Variants in ADCY9 observed in about 807,000 individuals in gnomAD.
ADCY9 encodes the protein adenylate cyclase type 9.
A neutral mutation model predicts 101.5 loss-of-function variants in ADCY9; 50 were observed. The ratio of observed to expected loss-of-function variants is 0.49; its 90% CI spans 0.39 to 0.62. ADCY9 has a LOEUF of 0.62. ADCY9 is among the 20% of genes least tolerant of loss of function. The pLI is 0.00. For missense variants in ADCY9, 1,662 were observed against 1,800.4 expected, an observed-to-expected ratio of 0.92 and a Z score of 1.39; for synonymous variants, 905 against 769.3, an observed-to-expected ratio of 1.18 and a Z score of -2.92.
intron 2 of ADCY9, 150 bp from the exon 3 acceptor site, chr16:4,007,708 C>T (rs962816012): frequency 1.6e-5 from 10 of 623,072 alleles, no homozygotes; most frequent in Middle Eastern, 4.4e-4. Context: ...CGGACGTCCA[C>T]GATCTCTCCA....
At chr16:4,110,544 C>G (rs2057107651) in intron 2 of ADCY9, among the ~76,000 whole-genome samples, 1 of 152,054 alleles carries the variant, frequency 6.6e-6, no homozygotes, top group Admixed American at 6.6e-5. Flanking sequence ...CGCACACCAC[C>G]ACACCAGGCT....
rs368342558 is a variant in ADCY9 at position 3,966,935 on chromosome 16, G to A, written c.2902C>T (p.Pro968Ser). 5.9e-5 allele frequency: 95 copies of A among 1,613,470 alleles called. No individual in the cohort carries two copies. The highest frequency in any genetic ancestry group is 7.5e-5 in the Non-Finnish European group (89 of 1,179,930). The change falls in exon 11 of 11, where the codon CCG becomes TCG. Residue 968 changes from proline (P) to serine (S), a missense_variant. Pro to Ser is a moderately conservative substitution (Grantham distance 74). This residue lies in a region of ADCY9 where 624 missense variants were observed against 639.1 expected (regional missense o/e 0.98). Transcript: ENST00000294016. ...CTGGCGGGCCGCCGGAGGTCACGCG[G>A]CACCGAACTATTGCACGGGTTCCTC... ...SERNPCNSSV[P>S]RDLRRPASLI... is the part of the protein sequence containing the mutation.
At chr16:3,957,412 A>G (rs1222564610) in intron 5 of ADCY9, among the ~76,000 whole-genome samples, 1 of 152,090 alleles carries the variant, frequency 6.6e-6, no homozygotes. Context: ...CGGAAAAGTC[A>G]TTCTCTTGAA....
Position 4,115,837 on chromosome 16 carries a change from C to A in ADCY9, c.-191G>T. On this transcript the variant is annotated 5_prime_UTR_variant, in exon 1 of 11. Transcript: ENST00000294016. The surrounding 1 kb of genome is among the most constrained non-coding windows in gnomAD (Gnocchi z 6.2). ...CGCTCGCCTCCTCCAGCTGCGGCTCCGGAGGGAAGTTCAGACCTTGAGCGC... is the reference window on the plus strand; with the variant it reads ...CGCTCGCCTCCTCCAGCTGCGGCTCAGGAGGGAAGTTCAGACCTTGAGCGC... The A allele has an allele frequency of 2.5e-6, 1 of 402,080 alleles. No homozygotes were observed. Among genetic ancestry groups the A allele is most frequent in the South Asian group, 1.2e-4 (1 of 8,386 alleles). The allele number at this position is 402,080 out of a possible 1,614,324, so 24.9% of individuals were successfully genotyped here.
chr16:4,107,425 C>A (rs2057084139), intron 2 of ADCY9, among the ~76,000 whole-genome samples: 1 of 151,960 alleles, frequency 6.6e-6, no homozygotes, highest in Admixed American at 6.6e-5. Flanking sequence ...GTGGCGCACA[C>A]CTGTAATCCC....
At chr16:3,953,471 A>G (rs1168023502) in exon 6 of ADCY9, 1 of 152,186 alleles carries the variant, frequency 6.6e-6, no homozygotes, top group East Asian at 1.9e-4. Context: ...CTTCCTGTGA[A>G]CTGAAGGGAA....
At chr16:4,038,841 C>T (rs2056607771) in intron 2 of ADCY9, among the ~76,000 whole-genome samples, 1 of 152,070 alleles carries the variant, frequency 6.6e-6, no homozygotes, top group South Asian at 2.1e-4. Flanking sequence ...ACTCCCACTG[C>T]CTGAACCCTG....
At chr16:3,976,451 G>T (rs1212781078) in intron 9 of ADCY9, among the ~76,000 whole-genome samples, 1 of 152,160 alleles carries the variant, frequency 6.6e-6, no homozygotes, top group South Asian at 2.1e-4. Context: ...ATGAGAACTG[G>T]GCTTGTCCCC....
intron 9 of ADCY9, among the ~76,000 whole-genome samples, 160 bp downstream of exon 9, chr16:3,977,322 A>C (rs979016483): frequency 2.0e-5 from 3 of 152,218 alleles, no homozygotes; most frequent in Non-Finnish European, 4.4e-5. Context: ...GCATCTCATT[A>C]GCTCTTTGGT....
At chr16:4,015,222 T>G (rs1010341549) in intron 2 of ADCY9, among the ~76,000 whole-genome samples, 7 of 152,084 alleles carry the variant, frequency 4.6e-5, no homozygotes, top group African/African-American at 1.7e-4. Flanking sequence ...ATTACAGGCG[T>G]GAGCGACCGT....
At chr16:4,078,562 G>GAAAAAAAAAAA (rs796262600) in intron 2 of ADCY9, among the ~76,000 whole-genome samples, 1 of 65,758 alleles carries the variant, frequency 1.5e-5, no homozygotes, top group Non-Finnish European at 3.5e-5. Flanking sequence ...CTCAAAAAAA[G>GAAAAAAAAAAA]AAAAAAAAAA....
intron 3 of ADCY9, among the ~76,000 whole-genome samples, chr16:4,005,187 T>C (rs962137020): frequency 6.6e-6 from 1 of 152,140 alleles, no homozygotes; most frequent in African/African-American, 2.4e-5. Flanking sequence ...CTGTGTTGAA[T>C]ATCCCAAGCT....
intron 2 of ADCY9, among the ~76,000 whole-genome samples, chr16:4,029,225 T>A (rs1218548629): frequency 6.6e-6 from 1 of 152,134 alleles, no homozygotes; most frequent in Non-Finnish European, 1.5e-5. Context: ...TATAGTTTCA[T>A]GACCTCAGAA....
chr16:3,994,969 A>G (rs765579658), intron 3 of ADCY9, among the ~76,000 whole-genome samples: 22 of 152,330 alleles, frequency 1.4e-4, no homozygotes, highest in Non-Finnish European at 2.5e-4. Flanking sequence ...ATGGACCTAG[A>G]AAAGAGAAGG....
At chr16:3,983,097 C>A (rs1488995108) in intron 7 of ADCY9, 135 bp downstream of exon 7, 1 of 849,124 alleles carries the variant, frequency 1.2e-6, no homozygotes, top group Non-Finnish European at 1.8e-6. Flanking sequence ...GGGGAGGACA[C>A]GGGGACCCAT....
intron 8 of ADCY9, among the ~76,000 whole-genome samples, chr16:3,978,244 A>G (rs944770925): frequency 6.6e-6 from 1 of 152,054 alleles, no homozygotes; most frequent in Non-Finnish European, 1.5e-5. Flanking sequence ...CTGTTTGAGA[A>G]ACGCTGTGTG....
At chr16:3,956,567 T>G (rs2055907800) in intron 5 of ADCY9, among the ~76,000 whole-genome samples, 1 of 142,098 alleles carries the variant, frequency 7.0e-6, no homozygotes. Flanking sequence ...CTTGGCTCAC[T>G]GAAACCTCTG....
At chr16:3,974,173 C>T (rs547698792) in intron 10 of ADCY9, among the ~76,000 whole-genome samples, 17 of 152,330 alleles carry the variant, frequency 1.1e-4, no homozygotes, top group Admixed American at 6.5e-4. Flanking sequence ...TCCTGAGTAG[C>T]TGGGACTACA....
At chr16:4,012,257 T>C (rs2056409174) in intron 2 of ADCY9, among the ~76,000 whole-genome samples, 1 of 152,188 alleles carries the variant, frequency 6.6e-6, no homozygotes, top group East Asian at 1.9e-4. Context: ...GTGAAACCTT[T>C]TGTCAGAACC....
Sources: allele counts gnomAD v4.1 joint callset (sites outside exome capture counted in the v4.1 genomes callset), GRCh38; gene constraint gnomAD v4.1.1; regional missense constraint gnomAD v4.1.1; non-coding constraint Gnocchi (gnomAD v3.1); transcripts MANE v1.5; gene names NCBI Gene and HGNC (gene_info 2026-07-23, HGNC 2026-07-21).